ACACA: variants seen among roughly 807,000 people sequenced by gnomAD.
The protein encoded by ACACA is acetyl-CoA carboxylase alpha.
A neutral mutation model predicts 296.1 loss-of-function variants in ACACA; 103 were observed. The ratio of observed to expected loss-of-function variants is 0.35; its 90% CI spans 0.30 to 0.41. The LOEUF (loss-of-function observed/expected upper bound fraction) is 0.41, where lower values mean the gene tolerates loss of function less well. Ranked by LOEUF, ACACA falls within the 10% of genes least tolerant of loss-of-function variation. The probability of loss-of-function intolerance (pLI) is 1.00; values close to 1 mark genes in which losing one functional copy is unlikely to be tolerated. For missense variants in ACACA, 1,554 were observed against 2,989.7 expected (o/e 0.52, Z 11.20); for synonymous variants, 953 against 1,038.6 (o/e 0.92, Z 1.58).
At chr17:37,402,375 T>G (rs2051321333) in intron 1 of ACACA, among the ~76,000 whole-genome samples, 2 of 152,202 alleles carry the variant, frequency 1.3e-5, no homozygotes, top group Admixed American at 6.5e-5. Flanking sequence ...AATGAAGGTA[T>G]GTCCACCTGG....
intron 35 of ACACA, among the ~76,000 whole-genome samples, chr17:37,197,359 A>T (rs1177229221): frequency 6.6e-6 from 1 of 152,218 alleles, no homozygotes; most frequent in Non-Finnish European, 1.5e-5. Context: ...AATGTGCTTG[A>T]ATCAAACTTG....
intron 45 of ACACA, 70 bp from the exon 46 acceptor site, chr17:37,130,288 G>T (rs1174454413): frequency 3.8e-6 from 6 of 1,575,720 alleles, no homozygotes; most frequent in Admixed American, 1.7e-5. Flanking sequence ...TTCACAAGTC[G>T]CACTAAAATG....
At chr17:37,279,383 C>T (rs2082404495) in intron 5 of ACACA, among the ~76,000 whole-genome samples, 1 of 152,078 alleles carries the variant, frequency 6.6e-6, no homozygotes, top group African/African-American at 2.4e-5. Flanking sequence ...GCCTGTAATC[C>T]TAGCATTTTG....
intron 1 of ACACA, chr17:37,359,201 C>G: frequency 1.1e-6 from 1 of 926,320 alleles, no homozygotes; most frequent in East Asian, 1.2e-4. Context: ...CCGGCGAGCT[C>G]CATGAGGTGA....
chr17:37,112,305 T>TA (rs2074021162), intron 51 of ACACA, among the ~76,000 whole-genome samples: 1 of 152,318 alleles, frequency 6.6e-6, no homozygotes, highest in East Asian at 1.9e-4. Context: ...TTAAAAAAAT[T>TA]ATAGATAATG....
At chr17:37,271,803 C>T (rs1001377016) in intron 9 of ACACA, among the ~76,000 whole-genome samples, 3 of 150,342 alleles carry the variant, frequency 2.0e-5, no homozygotes, top group African/African-American at 7.3e-5. Flanking sequence ...AACCCCTGGC[C>T]CTATTAAAAA....
At chr17:37,181,479 G>A in intron 39 of ACACA, 123 bp from the exon 40 acceptor site, 1 of 1,010,332 alleles carries the variant, frequency 9.9e-7, no homozygotes, top group Non-Finnish European at 1.5e-6. Flanking sequence ...TTGAGTAGCT[G>A]AGATATGCCT....
intron 3 of ACACA, among the ~76,000 whole-genome samples, chr17:37,325,579 CTTTTTTTTTT>C (rs1156553256): frequency 5.9e-5 from 4 of 67,928 alleles, no homozygotes; most frequent in East Asian, 4.9e-4. Context: ...TCTTTTCTTT[CTTTTTTTTTT>C]TTTTTTTTTT....
Position 37,299,587 on chromosome 17 carries a change from T to C in ACACA, c.339-14617A>G, listed in dbSNP as rs1042844245. On this transcript the variant is annotated intron_variant, in intron 3 of 55. Transcript: ENST00000616317. The stretch of plus-strand genomic sequence containing the variant: ...TCTTCTCTCCTCCACACACTTAGCT[T>C]ACACACACAATTAGTTGATTTCCCA... The C allele has an allele frequency of 1.1e-5, 14 of 1,324,538 alleles. No individual in the cohort carries two copies. The African/African-American group carries it at 1.5e-4, about 14-fold the overall frequency. The allele number at this position is 1,324,538 out of a possible 1,614,324, so 82.0% of individuals were successfully genotyped here.
intron 52 of ACACA, among the ~76,000 whole-genome samples, chr17:37,107,081 C>T (rs1280666770): frequency 6.6e-6 from 1 of 152,136 alleles, no homozygotes; most frequent in Non-Finnish European, 1.5e-5. Context: ...TAGAAAGCCT[C>T]GTGTTATTTC....
At chr17:37,318,388 G>A (rs1378234083) in intron 3 of ACACA, among the ~76,000 whole-genome samples, 2 of 152,134 alleles carry the variant, frequency 1.3e-5, no homozygotes, top group Non-Finnish European at 1.5e-5. Flanking sequence ...GATTACAGGT[G>A]CTCGCCACCA....
chr17:37,353,402 A>C (rs1011075973), intron 1 of ACACA, among the ~76,000 whole-genome samples: 18 of 152,142 alleles, frequency 1.2e-4, no homozygotes, highest in African/African-American at 4.3e-4. Context: ...GCACTTTGGG[A>C]GGCCAAGGCT....
intron 3 of ACACA, among the ~76,000 whole-genome samples, chr17:37,299,025 G>C (rs531997960): frequency 2.1e-4 from 32 of 152,208 alleles, no homozygotes; most frequent in African/African-American, 7.5e-4. Flanking sequence ...GTCTGCATGG[G>C]GTGCTTGTTT....
chr17:37,207,026 A>G, intron 31 of ACACA, 147 bp from the exon 32 acceptor site: 9 of 753,072 alleles, frequency 1.2e-5, no homozygotes, highest in Non-Finnish European at 2.0e-5. Flanking sequence ...TAGAGGTGAC[A>G]TGCAAAATTT....
chr17:37,346,033 G>A (rs557826684), intron 1 of ACACA, among the ~76,000 whole-genome samples: 1 of 152,162 alleles, frequency 6.6e-6, no homozygotes, highest in Non-Finnish European at 1.5e-5. Context: ...AGCTATAATG[G>A]AGCCCCTGCA....
chr17:37,349,379 A>G (rs1355805580), intron 1 of ACACA, among the ~76,000 whole-genome samples: 1 of 134,592 alleles, frequency 7.4e-6, no homozygotes, highest in Non-Finnish European at 1.6e-5. Flanking sequence ...ATATTCTTAC[A>G]TATATATATA....
chr17:37,288,056 T>C (rs993306460), intron 3 of ACACA, among the ~76,000 whole-genome samples: 3 of 152,196 alleles, frequency 2.0e-5, no homozygotes, highest in Admixed American at 6.5e-5. Flanking sequence ...AGGAAGTCTG[T>C]AGCATATATA....
At chr17:37,375,236 C>CA (rs2049955168) in intron 1 of ACACA, among the ~76,000 whole-genome samples, 1 of 151,984 alleles carries the variant, frequency 6.6e-6, no homozygotes, top group African/African-American at 2.4e-5. Flanking sequence ...CCTGTAATCC[C>CA]AGCACTTCGG....
chr17:37,223,393 C>G, intron 28 of ACACA, 119 bp downstream of exon 28: 1 of 810,988 alleles, frequency 1.2e-6, no homozygotes, highest in East Asian at 2.4e-5. Context: ...AAGAGACTAA[C>G]TACCCTTAAG....
Sources: gnomAD v4.1 joint callset for allele counts (sites outside exome capture counted in the v4.1 genomes callset) on GRCh38, gnomAD v4.1.1 for gene constraint, MANE v1.5 for transcripts, NCBI Gene and HGNC (gene_info 2026-07-23, HGNC 2026-07-21) for gene names.